GPHN: variants seen among roughly 807,000 people sequenced by gnomAD.
GPHN encodes the protein gephyrin.
A neutral mutation model predicts 95.5 loss-of-function variants in GPHN; 17 were observed. The observed-to-expected ratio is 0.18, with a 90% CI of 0.12 to 0.27. The LOEUF (loss-of-function observed/expected upper bound fraction) is 0.27. Among genes scored for constraint, GPHN ranks in the 10% least tolerant of loss-of-function variants. The probability of loss-of-function intolerance (pLI) is 1.00; values close to 1 mark genes in which losing one functional copy is unlikely to be tolerated. For synonymous variants in GPHN, 320 were observed against 322.5 expected (o/e 0.99, Z 0.08); for missense variants, 660 against 978.1 (o/e 0.67, Z 4.34).
intron 1 of GPHN, among the ~76,000 whole-genome samples, chr14:66,632,109 T>A (rs1306380333): frequency 6.6e-6 from 1 of 152,206 alleles, no homozygotes; most frequent in Non-Finnish European, 1.5e-5. Context: ...GGAAATAATG[T>A]CTTCAAGTTT....
chr14:66,734,128 A>G (rs1276333794), intron 2 of GPHN, among the ~76,000 whole-genome samples: 1 of 152,114 alleles, frequency 6.6e-6, no homozygotes, highest in Non-Finnish European at 1.5e-5. Flanking sequence ...TCCATTCTCT[A>G]TATAGCAGCC....
chr14:67,451,913 G>C, the GPHN span, among the ~76,000 whole-genome samples: 1 of 152,192 alleles, frequency 6.6e-6, no homozygotes, highest in Non-Finnish European at 1.5e-5. Flanking sequence ...TCATCTTGTA[G>C]CTCCCATAAT....
At chr14:67,631,380 A>G in the GPHN span, among the ~76,000 whole-genome samples, 1 of 147,296 alleles carries the variant, frequency 6.8e-6, no homozygotes, top group Non-Finnish European at 1.5e-5. Flanking sequence ...AACCAACACT[A>G]TTCTCTCTTG....
chr14:67,254,692 A>T, the GPHN span, among the ~76,000 whole-genome samples: 21 of 152,300 alleles, frequency 1.4e-4, no homozygotes, highest in African/African-American at 3.1e-4. Flanking sequence ...GTTATTTGGT[A>T]TTTCTTCAGT....
chr14:67,582,307 G>A, the GPHN span: 1 of 1,587,926 alleles, frequency 6.3e-7, no homozygotes, highest in Non-Finnish European at 8.6e-7. The surrounding 1 kb of genome is among the most constrained non-coding windows in gnomAD (Gnocchi z 5.0). Context: ...CAGATCCTGT[G>A]GTGCTCAGGA....
the GPHN span, among the ~76,000 whole-genome samples, chr14:67,535,439 G>C: frequency 7.3e-6 from 1 of 137,904 alleles, no homozygotes; most frequent in Admixed American, 7.9e-5. Context: ...GGAGTGCAGT[G>C]GTGCAATCTC....
chr14:67,649,919 G>A, the GPHN span: 48 of 152,286 alleles, frequency 3.2e-4, no homozygotes, highest in African/African-American at 9.4e-4. Flanking sequence ...GGCATTTAGA[G>A]GGGTGAGCAT....
At chr14:67,579,876 G>A in the GPHN span, 1 of 1,597,152 alleles carries the variant, frequency 6.3e-7, no homozygotes, top group South Asian at 1.1e-5. Context: ...GAAGTGTCAA[G>A]GTGACAGCCT....
At chr14:66,772,127 A>AG (rs1208791975) in intron 2 of GPHN, among the ~76,000 whole-genome samples, 1 of 151,742 alleles carries the variant, frequency 6.6e-6, no homozygotes, top group Non-Finnish European at 1.5e-5. Flanking sequence ...AAAAAAAAAA[A>AG]GACAGATAAC....
At chr14:67,024,711 G>A (rs907265097) in intron 10 of GPHN, among the ~76,000 whole-genome samples, 3 of 152,124 alleles carry the variant, frequency 2.0e-5, no homozygotes, top group African/African-American at 4.8e-5. Context: ...AGCAATGTAT[G>A]ACAGCATGCA....
chr14:66,765,102 G>A (rs962540565), intron 2 of GPHN, among the ~76,000 whole-genome samples: 3 of 152,126 alleles, frequency 2.0e-5, no homozygotes, highest in Non-Finnish European at 2.9e-5. Context: ...GAACAGAAGG[G>A]TGAACCTTGA....
chr14:67,212,146 C>T, the GPHN span, among the ~76,000 whole-genome samples: 3 of 152,054 alleles, frequency 2.0e-5, no homozygotes, highest in South Asian at 6.2e-4. Context: ...AGTAAACACA[C>T]TAGGTACATT....
chr14:67,338,302 A>G, the GPHN span: 226 of 193,290 alleles, frequency 1.2e-3, no homozygotes, highest in African/African-American at 5.0e-3. Context: ...GAGACCGCTA[A>G]TGCTTCCTAA....
intron 1 of GPHN, among the ~76,000 whole-genome samples, chr14:66,625,022 C>A (rs868839559): frequency 2.0e-5 from 3 of 152,190 alleles, no homozygotes; most frequent in African/African-American, 7.2e-5. Flanking sequence ...TGAATGGAAT[C>A]AAGCTGCTGG....
intron 2 of GPHN, among the ~76,000 whole-genome samples, chr14:66,694,904 T>C (rs1047998118): frequency 1.3e-5 from 2 of 152,214 alleles, no homozygotes; most frequent in Admixed American, 1.3e-4. Context: ...ACGCCTGTAA[T>C]CCCAACACTT....
At chr14:67,255,378 CAT>C in the GPHN span, among the ~76,000 whole-genome samples, 20 of 152,238 alleles carry the variant, frequency 1.3e-4, no homozygotes, top group African/African-American at 4.3e-4. Context: ...ATGAACCTGA[CAT>C]ATTTGAAAGT....
intron 2 of GPHN, among the ~76,000 whole-genome samples, chr14:66,722,663 G>C (rs2070869402): frequency 6.6e-6 from 1 of 151,962 alleles, no homozygotes; most frequent in South Asian, 2.1e-4. Flanking sequence ...AGCCTGGCTT[G>C]AACTCCTGGC....
At chr14:67,180,086 G>T (rs185282556) in intron 22 of GPHN, among the ~76,000 whole-genome samples, 24 of 152,266 alleles carry the variant, frequency 1.6e-4, no homozygotes, top group Admixed American at 1.4e-3. Flanking sequence ...TCTACCATAC[G>T]CTAGTTATTG....
intron 11 of GPHN, among the ~76,000 whole-genome samples, chr14:67,081,531 T>G (rs1330520259): frequency 6.6e-6 from 1 of 152,234 alleles, no homozygotes; most frequent in African/African-American, 2.4e-5. Flanking sequence ...GTGAAGATTT[T>G]CTCCCACTCT....
Sources: allele counts gnomAD v4.1 joint callset (sites outside exome capture counted in the v4.1 genomes callset), GRCh38; gene constraint gnomAD v4.1.1; non-coding constraint Gnocchi (gnomAD v3.1); transcripts MANE v1.5; gene names NCBI Gene and HGNC (gene_info 2026-07-23, HGNC 2026-07-21).